Variants in GNAI3 observed in about 807,000 individuals in gnomAD.
GNAI3 encodes G protein subunit alpha i3.
In GNAI3, 12 loss-of-function variants were observed where a neutral mutation model predicts 41.8. The observed-to-expected ratio is 0.29, with a 90% confidence interval of 0.18 to 0.47. The LOEUF is 0.47. GNAI3 is among the 20% of genes least tolerant of loss of function. The pLI is 1.00. For missense variants in GNAI3, 360 were observed against 429.6 expected, an observed-to-expected ratio of 0.84 and a Z score of 1.43; for synonymous variants, 132 against 146.5, an observed-to-expected ratio of 0.90 and a Z score of 0.71.
intron 6 of GNAI3, 84 bp downstream of exon 6, chr1:109,586,429 T>C: frequency 7.4e-7 from 1 of 1,350,326 alleles, no homozygotes; most frequent in Non-Finnish European, 1.0e-6. Flanking sequence ...TCTGCATCCA[T>C]TTCCTCATTC....
In GNAI3 at chr1:109,573,964, C is replaced by G. The variant is rs764823071; in HGVS notation, c.230C>G (p.Thr77Ser). 6.2e-7 allele frequency: 1 copy of G among 1,604,756 alleles called. No homozygotes were observed. The highest frequency in any genetic ancestry group is 8.5e-7 in the Non-Finnish European group (1 of 1,171,540). ...KQYKVVVYSN[T>S]IQSIIAIIRA... ...TATAAAGTAGTTGTCTACAGCAATA[C>G]TATACAGTCCATCATTGCAATCATA... is the stretch of plus-strand genomic sequence containing the variant. The change falls in exon 3 of 9, where the codon ACT becomes AGT. Residue 77 changes from threonine (T) to serine (S), a missense_variant. By Grantham distance (58) the Thr-to-Ser change is moderately conservative (BLOSUM62 1). Transcript: ENST00000369851.
chr1:109,597,888 G>C lies in GNAI3; in HGVS notation c.*5566G>C, dbSNP rs149238224. 34 of 152,308 alleles carry C rather than the reference G, an allele frequency of 2.2e-4. No individual in the cohort carries two copies. Among genetic ancestry groups the C allele is most frequent in the African/African-American group, 6.0e-4 (25 of 41,574 alleles). The allele number at this position is 152,308 out of a possible 1,614,324, so 9.4% of individuals were successfully genotyped here. Reference sequence around the variant, plus strand: ...CTAGAATGAAAGTCGTTTTGAAATGGGTACGGGGGTATATAAGGGGAATGA... The same window carrying C: ...CTAGAATGAAAGTCGTTTTGAAATGCGTACGGGGGTATATAAGGGGAATGA... On this transcript the variant is annotated 3_prime_UTR_variant, in exon 9 of 9. Transcript: ENST00000369851.
At chr1:109,571,548 A>G (rs1412359172) in intron 1 of GNAI3, among the ~76,000 whole-genome samples, 1 of 152,228 alleles carries the variant, frequency 6.6e-6, no homozygotes, top group African/African-American at 2.4e-5. Context: ...ATTACAAACA[A>G]AGTGATTAGA....
chr1:109,578,316 A>G (rs2101104270), intron 3 of GNAI3, among the ~76,000 whole-genome samples: 2 of 152,156 alleles, frequency 1.3e-5, no homozygotes, highest in Middle Eastern at 6.8e-3. Flanking sequence ...CTAAAAATAG[A>G]AAAATTAGCT....
intron 3 of GNAI3, among the ~76,000 whole-genome samples, chr1:109,575,621 T>TC: frequency 7.7e-6 from 1 of 129,688 alleles, no homozygotes; most frequent in Middle Eastern, 4.5e-3. Flanking sequence ...AGCCTCTGCC[T>TC]CCCAGGTTCA....
intron 4 of GNAI3, among the ~76,000 whole-genome samples, chr1:109,580,610 A>G (rs1267981736): frequency 6.6e-6 from 1 of 152,220 alleles, no homozygotes; most frequent in East Asian, 1.9e-4. Flanking sequence ...CCTAAGCTAT[A>G]TGGTATAGCC....
At position 109,575,798 on chromosome 1, in the gene GNAI3, G is replaced by A. The variant is rs190379134; in HGVS notation, c.303+1761G>A. ...GCCCGCCTCGGCCTCCCAAAGTGCT[G>A]GGATTATAGGCGTGAGCCACCGCTC... On this transcript the variant is annotated intron_variant, in intron 3 of 8. Coordinates refer to ENST00000369851, the MANE Select transcript of GNAI3 (RefSeq NM_006496.4). 6.2e-3 allele frequency among the ~76,000 whole-genome samples: 944 copies of A among 152,012 alleles called. 11 individuals are homozygous for A. Among genetic ancestry groups the A allele is most frequent in the African/African-American group, 0.022 (894 of 41,484 alleles).
At chr1:109,586,973 ATGAT>A (rs1649047472) in intron 7 of GNAI3, 91 bp downstream of exon 7, 20 of 830,166 alleles carry the variant, frequency 2.4e-5, no homozygotes, top group South Asian at 2.1e-4. Flanking sequence ...TTTTTTTTTA[ATGAT>A]TGATTGGGAG....
At chr1:109,550,758 C>A (rs571388581) in intron 1 of GNAI3, among the ~76,000 whole-genome samples, 2 of 152,350 alleles carry the variant, frequency 1.3e-5, no homozygotes, top group East Asian at 3.9e-4. Flanking sequence ...TGGTCTCAAT[C>A]TCCTGACCTT....
intron 7 of GNAI3, among the ~76,000 whole-genome samples, chr1:109,588,483 G>A (rs7537507): frequency 0.17 from 25,564 of 152,172 alleles, 2,392 homozygotes; most frequent in East Asian, 0.34. Context: ...CCAATCAGTT[G>A]AGGTCAGGGG....
At chr1:109,563,099 CA>C (rs2101094058) in intron 1 of GNAI3, among the ~76,000 whole-genome samples, 1 of 152,232 alleles carries the variant, frequency 6.6e-6, no homozygotes, top group African/African-American at 2.4e-5. Flanking sequence ...TACCAAAGTC[CA>C]AAATTAGAAC....
At chr1:109,572,165 C>G (rs180687227) in intron 1 of GNAI3, among the ~76,000 whole-genome samples, 122 of 151,826 alleles carry the variant, frequency 8.0e-4, no homozygotes, top group African/African-American at 2.9e-3. Context: ...CAAAAATCAG[C>G]TGGGTGTTGT....
rs1649215330 is a variant in GNAI3, at chr1:109,593,293, A to T, written c.*971A>T. 6.6e-6 allele frequency: 1 copy of T among 152,664 alleles called. No individual in the cohort carries two copies. The highest frequency in any genetic ancestry group is 2.1e-4 in the South Asian group (1 of 4,838). The allele number at this position is 152,664 out of a possible 1,614,324, so 9.5% of individuals were successfully genotyped here. ...TTCATGGCCTTTTCTGTTGAGAAACATCTAAAGTGTATTAACAGTGCATGC... is the reference window on the plus strand; with the variant it reads ...TTCATGGCCTTTTCTGTTGAGAAACTTCTAAAGTGTATTAACAGTGCATGC... On this transcript the variant is annotated 3_prime_UTR_variant, in exon 9 of 9. Transcript: ENST00000369851.
rs1649322831 is a variant in GNAI3, at chr1:109,596,884, T to C, written c.*4562T>C. On this transcript the variant is annotated 3_prime_UTR_variant, in exon 9 of 9. Coordinates refer to ENST00000369851, the MANE Select transcript of GNAI3 (RefSeq NM_006496.4). ...CCTTAGGTGATTTTGATGTAGCCAATCTGGGCCAACATTTGGGGACAACTG... is the reference window on the plus strand; with the variant it reads ...CCTTAGGTGATTTTGATGTAGCCAACCTGGGCCAACATTTGGGGACAACTG... 1 of 152,242 alleles carries C rather than the reference T, an allele frequency of 6.6e-6. No homozygotes were observed. The highest frequency in any genetic ancestry group is 1.5e-5 in the Non-Finnish European group (1 of 68,056). 9.4% of individuals were successfully genotyped at this position (152,242 alleles called of 1,614,324 possible).
chr1:109,554,954 C>A (rs142356539), intron 1 of GNAI3, among the ~76,000 whole-genome samples: 60 of 152,262 alleles, frequency 3.9e-4, no homozygotes, highest in Non-Finnish European at 5.6e-4. Context: ...ACAAACAATA[C>A]TTAGGAATAT....
chr1:109,549,560 C>G (rs1647923868), intron 1 of GNAI3, among the ~76,000 whole-genome samples: 1 of 152,074 alleles, frequency 6.6e-6, no homozygotes, highest in African/African-American at 2.4e-5. Context: ...ATGGTGTGAG[C>G]TGAAGAAATT....
chr1:109,565,982 T>C (rs1292715205), intron 1 of GNAI3, among the ~76,000 whole-genome samples: 1 of 152,178 alleles, frequency 6.6e-6, no homozygotes, highest in African/African-American at 2.4e-5. Flanking sequence ...GATTAGGAGC[T>C]AGGAATATAG....
chr1:109,549,209 A>G (rs1647914087), intron 1 of GNAI3, among the ~76,000 whole-genome samples: 1 of 152,218 alleles, frequency 6.6e-6, no homozygotes, highest in Admixed American at 6.5e-5. Context: ...CGAGAACGGC[A>G]TAGAGTATAT....
intron 5 of GNAI3, among the ~76,000 whole-genome samples, chr1:109,582,948 C>T (rs904821017): frequency 3.3e-5 from 5 of 151,630 alleles, no homozygotes; most frequent in Admixed American, 6.6e-5. Flanking sequence ...AGTTTTTTTT[C>T]GGTTAGTTAC....
Sources: allele counts gnomAD v4.1 joint callset (sites outside exome capture counted in the v4.1 genomes callset), GRCh38; gene constraint gnomAD v4.1.1; transcripts MANE v1.5; gene names NCBI Gene and HGNC (gene_info 2026-07-23, HGNC 2026-07-21).